Variants in NLRP12 observed in about 807,000 individuals in gnomAD.
The protein encoded by NLRP12 is NLR family pyrin domain containing 12.
A neutral mutation model predicts 91.2 loss-of-function variants in NLRP12; 108 were observed. The observed-to-expected ratio is 1.18, with a 90% CI of 1.01 to 1.39. The LOEUF is 1.39. Among genes scored for constraint, NLRP12 ranks in the 40% most tolerant of loss-of-function variants. The pLI, the probability that NLRP12 is intolerant of heterozygous loss-of-function variation, is 0.00. For synonymous variants in NLRP12, 613 were observed against 566.7 expected (o/e 1.08, Z -1.16); for missense variants, 1,530 against 1,352.7 (o/e 1.13, Z -2.06).
intron 1 of NLRP12, among the ~76,000 whole-genome samples, chr19:53,816,085 C>T (rs929252257): frequency 1.1e-4 from 16 of 151,938 alleles, no homozygotes; most frequent in African/African-American, 3.1e-4. Context: ...AAAAGGCCTT[C>T]GTTTGGATAT....
Position 53,794,152 on chromosome 19 carries a change from T to C in NLRP12, c.3099-16A>G. 6.5e-7 allele frequency: 1 copy of C among 1,546,334 alleles called. No individual in the cohort carries two copies. The highest frequency in any genetic ancestry group is 1.7e-5 in the Admixed American group (1 of 59,900). ...CCCAAATAACCTGTGGACACAAGAGTTGATATTATTCCAGTGTACTACTGT... is the reference window on the plus strand; with the variant it reads ...CCCAAATAACCTGTGGACACAAGAGCTGATATTATTCCAGTGTACTACTGT... On this transcript the variant is annotated splice_polypyrimidine_tract_variant and intron_variant, in intron 9 of 9. Transcript: ENST00000324134.
At position 53,810,665 on chromosome 19, in the gene NLRP12, G is replaced by T. The variant is rs868790356; in HGVS notation, c.994C>A (p.Leu332Met). Residue 332 changes from leucine (L) to methionine (M), a missense_variant, in exon 3 of 10, where the codon CTG (leucine) becomes ATG (methionine). Transcript: ENST00000324134. Reference sequence around the variant, plus strand: ...ATGAGCAAAGATAGCTCAGGGAGCAGCTTCTTCCGAATTAAGCTGTTAAGA... The same window carrying T: ...ATGAGCAAAGATAGCTCAGGGAGCATCTTCTTCCGAATTAAGCTGTTAAGA... Reference protein sequence around the residue: ...LLLNSLIRKKLLPELSLLITT... With the variant: ...LLLNSLIRKKMLPELSLLITT... 8.1e-6 allele frequency: 13 copies of T among 1,613,842 alleles called. No homozygotes were observed. In the African/African-American group the frequency reaches 1.2e-4, roughly 15 times the overall value.
intron 1 of NLRP12, among the ~76,000 whole-genome samples, chr19:53,819,445 ATATATATATATATG>A (rs1314188788): frequency 1.0e-4 from 2 of 19,574 alleles, no homozygotes; most frequent in African/African-American, 3.4e-4. Context: ...ATATATATAT[ATATATATATATATG>A]TGTGTGTGTG....
chr19:53,810,904 C>A lies in NLRP12; in HGVS notation c.755G>T (p.Cys252Phe), dbSNP rs2092061267. Residue 252 changes from cysteine to phenylalanine, a missense_variant, in exon 3 of 10, where the codon TGC becomes TTC. By Grantham distance (205) the Cys-to-Phe change is radical. Coordinates refer to ENST00000324134, the MANE Select transcript of NLRP12 (RefSeq NM_144687.4). ...GRFDYLFYIN[C>F]REMNQSATEC... ...CGTGGCACTCTGGTTCATCTCCCTG[C>A]AGTTGATGTAGAAGAGATAATCAAA... The A allele has an allele frequency of 6.2e-7, 1 of 1,614,032 alleles. No individual in the cohort carries two copies. The highest frequency in any genetic ancestry group is 8.5e-7 in the Non-Finnish European group (1 of 1,180,044).
intron 1 of NLRP12, among the ~76,000 whole-genome samples, chr19:53,819,576 T>C (rs371430259): frequency 9.3e-5 from 8 of 85,660 alleles, no homozygotes; most frequent in African/African-American, 2.9e-4. Context: ...TATATGCGTA[T>C]ATATGTATGT....
At chr19:53,800,067 G>A (rs540609925) in intron 7 of NLRP12, among the ~76,000 whole-genome samples, 9 of 152,118 alleles carry the variant, frequency 5.9e-5, no homozygotes, top group Non-Finnish European at 8.8e-5. Flanking sequence ...TTGGGAGGCC[G>A]AGGCAGGTGG....
chr19:53,822,488 T>C (rs537807116), intron 1 of NLRP12, among the ~76,000 whole-genome samples: 1 of 152,012 alleles, frequency 6.6e-6, no homozygotes, highest in Admixed American at 6.6e-5. Flanking sequence ...ATCCCAGCAC[T>C]TTGGGAGGCT....
chr19:53,795,767 G>T, intron 9 of NLRP12, 92 bp downstream of exon 9: 1 of 1,105,506 alleles, frequency 9.0e-7, no homozygotes, highest in Non-Finnish European at 1.4e-6. Flanking sequence ...ATACACCAGT[G>T]CATAACGTAT....
chr19:53,804,026 A>G lies in NLRP12; in HGVS notation c.2511T>C (p.Asn837=), dbSNP rs1250922737. The G allele has an allele frequency of 1.2e-6, 2 of 1,614,080 alleles. No individual in the cohort carries two copies. Among genetic ancestry groups the G allele is most frequent in the East Asian group, 2.2e-5 (1 of 44,880 alleles). The change falls in exon 6 of 10, where the codon AAT becomes AAC. Residue 837 remains asparagine, a synonymous_variant. Transcript: ENST00000324134. ...ACCTCAGGCCCAAATCCTCCAGTGC[A>G]TTTCCTGTCAGGTCCAACTCAACCA... ...PHLVELDLTG[N]ALEDLGLRLL...
At chr19:53,817,913 G>T (rs965478648) in intron 1 of NLRP12, among the ~76,000 whole-genome samples, 1 of 151,448 alleles carries the variant, frequency 6.6e-6, no homozygotes, top group Non-Finnish European at 1.5e-5. Flanking sequence ...CTCCGGAGTA[G>T]CTGGGATTAC....
Position 53,811,293 on chromosome 19 carries a change from G to C in NLRP12, c.371-5C>G. On this transcript the variant is annotated splice_region_variant and splice_polypyrimidine_tract_variant and intron_variant, in intron 2 of 9. Coordinates refer to ENST00000324134, the MANE Select transcript of NLRP12 (RefSeq NM_144687.4). ...CCCTGTAGGTTTCCTGGGGATCTAG[G>C]GGAGAGGAATGAAGGTTTTGTGGAA... 1 of 1,613,652 alleles carries C rather than the reference G, an allele frequency of 6.2e-7. No homozygotes were observed. Among genetic ancestry groups the C allele is most frequent in the South Asian group, 1.1e-5 (1 of 91,060 alleles).
At position 53,798,366 on chromosome 19, in the gene NLRP12, A is replaced by G; in HGVS notation, c.2804T>C (p.Val935Ala). 1 of 1,614,094 alleles carries G rather than the reference A, an allele frequency of 6.2e-7. No homozygotes were observed. The change falls in exon 8 of 10, where the codon GTG (valine) becomes GCG (alanine). Residue 935 changes from valine (V) to alanine (A), a missense_variant. By Grantham distance (64) the Val-to-Ala change is moderately conservative. Coordinates refer to ENST00000324134, the MANE Select transcript of NLRP12 (RefSeq NM_144687.4). ...GAGGTTGTGGTTGGCCTGGAGCACCACAGAAAGACCCTCACAGGCGGCAGA... is the reference window on the plus strand; with the variant it reads ...GAGGTTGTGGTTGGCCTGGAGCACCGCAGAAAGACCCTCACAGGCGGCAGA... Reference protein sequence around the residue: ...LGSAACEGLSVVLQANHNLRE... With the variant: ...LGSAACEGLSAVLQANHNLRE...
chr19:53,801,180 C>T lies in NLRP12; in HGVS notation c.2756+47G>A, dbSNP rs571308939. On this transcript the variant is annotated intron_variant, in intron 7 of 9. Coordinates refer to ENST00000324134, the MANE Select transcript of NLRP12 (RefSeq NM_144687.4). Reference sequence around the variant, plus strand: ...TCCGTGGTCCCAGGTGAGAGGGCTGCGTTCATGGATTGGGACTCCTAGCGT... The same window carrying T: ...TCCGTGGTCCCAGGTGAGAGGGCTGTGTTCATGGATTGGGACTCCTAGCGT... 116 of 1,577,706 alleles carry T rather than the reference C, an allele frequency of 7.4e-5. No individual in the cohort carries two copies. The East Asian group carries it at 1.5e-3, about 20-fold the overall frequency.
chr19:53,805,177 C>T (rs1174122555), intron 5 of NLRP12, 103 bp downstream of exon 5: 5 of 1,269,704 alleles, frequency 3.9e-6, no homozygotes, highest in Non-Finnish European at 5.7e-6. Context: ...AAGGGCCAGC[C>T]CTGATTTAAA....
At chr19:53,819,778 G>A (rs1031278100) in intron 1 of NLRP12, among the ~76,000 whole-genome samples, 18 of 150,298 alleles carry the variant, frequency 1.2e-4, no homozygotes, top group African/African-American at 3.2e-4. Context: ...GTGCAGTGGC[G>A]GGATCTTGGC....
At chr19:53,795,096 C>G (rs1221263552) in intron 9 of NLRP12, among the ~76,000 whole-genome samples, 1 of 116,450 alleles carries the variant, frequency 8.6e-6, no homozygotes, top group Non-Finnish European at 1.8e-5. Flanking sequence ...TGCCACCATA[C>G]CTGGTGTGTG....
At chr19:53,805,493 C>G in intron 4 of NLRP12, 43 bp from the exon 5 acceptor site, 1 of 1,600,714 alleles carries the variant, frequency 6.2e-7, no homozygotes, top group Non-Finnish European at 8.5e-7. Context: ...ATTTCTTTTG[C>G]TCCAGTTTTG....
intron 1 of NLRP12, among the ~76,000 whole-genome samples, chr19:53,819,270 G>A (rs2092210139): frequency 6.6e-6 from 1 of 150,418 alleles, no homozygotes; most frequent in Admixed American, 6.7e-5. Context: ...TTGAGATGGA[G>A]TCTCGCTTTT....
chr19:53,819,430 TA>T (rs1284666749), intron 1 of NLRP12, among the ~76,000 whole-genome samples: 1 of 21,930 alleles, frequency 4.6e-5, no homozygotes, highest in African/African-American at 1.5e-4. Flanking sequence ...TATATATATA[TA>T]TATATATATA....
Sources: gnomAD v4.1 joint callset for allele counts (sites outside exome capture counted in the v4.1 genomes callset) on GRCh38, gnomAD v4.1.1 for gene constraint, MANE v1.5 for transcripts, NCBI Gene and HGNC (gene_info 2026-07-23, HGNC 2026-07-21) for gene names.